CAMSAP3: variants seen among roughly 807,000 people sequenced by gnomAD.
The protein encoded by CAMSAP3 is calmodulin-regulated spectrin-associated protein 3.
CAMSAP3 carries 34 observed loss-of-function variants against 112.5 expected under a neutral mutation model. That is an observed-to-expected ratio of 0.30 (90% CI 0.23 to 0.40). The LOEUF is 0.40. CAMSAP3 is among the 10% of genes least tolerant of loss of function. The pLI is 1.00. For missense variants in CAMSAP3, 1,602 were observed against 1,770.3 expected (o/e 0.90, Z 1.71); for synonymous variants, 868 against 799.8 (o/e 1.09, Z -1.44).
Position 7,596,026 on chromosome 19 carries a change from G to C in CAMSAP3, c.24G>C (p.Gly8=). The change falls in exon 1 of 17, where the codon GGG becomes GGC. Residue 8 remains glycine, a synonymous_variant. Transcript: ENST00000160298. The part of the protein sequence containing the change: MVEAAPP[G]PGPLRRTFLV... ...CCATGGTGGAGGCGGCGCCCCCCGG[G>C]CCCGGGCCGCTGCGGAGGACCTTTC... The C allele has an allele frequency of 8.3e-7, 1 of 1,209,268 alleles. No homozygotes were observed. Among genetic ancestry groups the C allele is most frequent in the Non-Finnish European group, 1.1e-6 (1 of 947,658 alleles). The allele number at this position is 1,209,268 out of a possible 1,614,324, so 74.9% of individuals were successfully genotyped here.
At position 7,612,073 on chromosome 19, in the gene CAMSAP3, C is replaced by G. The variant is rs200164598; in HGVS notation, c.1580C>G (p.Ser527Trp). The G allele has an allele frequency of 4.3e-6, 7 of 1,609,524 alleles. No individual in the cohort carries two copies. Among genetic ancestry groups the G allele is most frequent in the Non-Finnish European group, 5.9e-6 (7 of 1,177,090 alleles). Residue 527 changes from serine (S) to tryptophan (W), a missense_variant, in exon 11 of 17, where the codon TCG becomes TGG. Physicochemically the swap from Ser to Trp is radical, Grantham distance 177. Transcript: ENST00000160298. ...PVYMPHPETPSKPSPCLVGEA... is the reference protein window; with the variant it reads ...PVYMPHPETPWKPSPCLVGEA... ...TACATGCCACACCCCGAGACCCCCT[C>G]GAAACCATCTCCCTGTCTGGTGGGG...
chr19:7,608,576 C>G (rs1018957314), intron 5 of CAMSAP3, among the ~76,000 whole-genome samples: 7 of 151,976 alleles, frequency 4.6e-5, no homozygotes, highest in African/African-American at 2.4e-5. Flanking sequence ...AGACACACTC[C>G]CCACTTCACA....
chr19:7,606,159 C>CCCA, intron 2 of CAMSAP3, 112 bp from the exon 3 acceptor site: 1 of 639,402 alleles, frequency 1.6e-6, no homozygotes, highest in Non-Finnish European at 2.6e-6. Context: ...AAGCCCCACC[C>CCCA]CCCCCGTCAA....
intron 1 of CAMSAP3, among the ~76,000 whole-genome samples, chr19:7,598,180 G>C (rs936340630): frequency 1.3e-5 from 2 of 152,162 alleles, no homozygotes; most frequent in African/African-American, 2.4e-5. Flanking sequence ...AGAAATTCTT[G>C]AAATCTTCCA....
chr19:7,600,613 T>C (rs1599343231), intron 1 of CAMSAP3, among the ~76,000 whole-genome samples: 1 of 39,466 alleles, frequency 2.5e-5, no homozygotes, highest in Non-Finnish European at 4.4e-5. Flanking sequence ...CACCCACTCA[T>C]CCACTCATCC....
Position 7,610,427 on chromosome 19 carries a change from C to G in CAMSAP3, c.761-49C>G, listed in dbSNP as rs756276818. ...GCTGGTCCCTGGCTTCCCTGGGGCC[C>G]CATCCTCCTCCTCATAGAGTTGGGG... On this transcript the variant is annotated intron_variant, in intron 5 of 16. Transcript: ENST00000160298. The surrounding 1 kb of genome is among the most constrained non-coding windows in gnomAD (Gnocchi z 4.9). The G allele has an allele frequency of 1.3e-6, 2 of 1,558,948 alleles. No individual in the cohort carries two copies.
rs1429024255 is a variant in CAMSAP3, at chr19:7,612,968, C to T, written c.2475C>T (p.Ser825=). ...PSQVPVQTRS[S]ILLAEETPPE... The stretch of plus-strand genomic sequence containing the variant: ...AGGTGCCCGTGCAGACGCGCTCTTC[C>T]ATCCTCCTGGCGGAGGAGACGCCCC... The change falls in exon 11 of 17, where the codon TCC becomes TCT. Residue 825 remains serine, a synonymous_variant. Transcript: ENST00000160298. 2 of 1,602,144 alleles carry T rather than the reference C, an allele frequency of 1.2e-6. No individual in the cohort carries two copies. Among genetic ancestry groups the T allele is most frequent in the African/African-American group, 2.7e-5 (2 of 74,260 alleles).
Position 7,611,602 on chromosome 19 carries a change from AG to A in CAMSAP3, c.1193+18del. On this transcript the variant is annotated intron_variant, in intron 10 of 16. Coordinates refer to ENST00000160298, the MANE Select transcript of CAMSAP3 (RefSeq NM_020902.2). The surrounding 1 kb of genome is among the most constrained non-coding windows in gnomAD (Gnocchi z 6.9). ...GGCAGCTCAGGTGAGTAGACCTCAC[AG>A]GCCAGGGTAGGGGGTGGAGCAGGCT... is the stretch of plus-strand genomic sequence containing the variant. 6.2e-7 allele frequency: 1 copy of A among 1,609,974 alleles called. No individual in the cohort carries two copies. The highest frequency in any genetic ancestry group is 8.5e-7 in the Non-Finnish European group (1 of 1,178,514).
intron 2 of CAMSAP3, 121 bp from the exon 3 acceptor site, chr19:7,606,150 A>ACCCCC (rs2030204859): frequency 4.1e-5 from 11 of 265,354 alleles, no homozygotes; most frequent in African/African-American, 1.6e-4. Context: ...CGCCCCCTCA[A>ACCCCC]GCCCCACCCC....
In CAMSAP3 at chr19:7,612,774, C is replaced by A. The variant is rs749893426; in HGVS notation, c.2281C>A (p.Arg761=). Residue 761 remains arginine, a synonymous_variant, in exon 11 of 17, where the codon CGG becomes AGG. Transcript: ENST00000160298. ...GPKAASPSPA[R]RVPATRRSPG... Reference sequence around the variant, plus strand: ...CAAAGCTGCATCCCCCAGCCCCGCCCGGCGAGTCCCGGCCACCCGGCGCAG... The same window carrying A: ...CAAAGCTGCATCCCCCAGCCCCGCCAGGCGAGTCCCGGCCACCCGGCGCAG... 5 of 1,531,428 alleles carry A rather than the reference C, an allele frequency of 3.3e-6. No homozygotes were observed. The highest frequency in any genetic ancestry group is 1.2e-5 in the South Asian group (1 of 83,600). 94.9% of individuals were successfully genotyped at this position (1,531,428 alleles called of 1,614,324 possible). A position where few individuals can be genotyped will look rare whatever the true frequency, so the allele number is the denominator to read the frequency against.
Position 7,596,165 on chromosome 19 carries a change from GGGA to G in CAMSAP3, c.148+16_148+18del. The G allele has an allele frequency of 9.9e-7, 1 of 1,008,808 alleles. No individual in the cohort carries two copies. Among genetic ancestry groups the G allele is most frequent in the Non-Finnish European group, 1.2e-6 (1 of 832,412 alleles). 62.5% of individuals were successfully genotyped at this position (1,008,808 alleles called of 1,614,324 possible). On this transcript the variant is annotated intron_variant, in intron 1 of 16. Transcript: ENST00000160298. ...CGGGGGCGCAGGTACCGGGGCTCGGGGGACCGGGGTCGGGGGCGGCGGGCCGGG... is the reference window on the plus strand; with the variant it reads ...CGGGGGCGCAGGTACCGGGGCTCGGGCCGGGGTCGGGGGCGGCGGGCCGGG...
At position 7,597,262 on chromosome 19, in the gene CAMSAP3, A is replaced by G. The variant is rs192235453; in HGVS notation, c.148+1112A>G. Among the ~76,000 whole-genome samples, 16 of 152,036 alleles carry G rather than the reference A, an allele frequency of 1.1e-4. No individual in the cohort carries two copies. In the East Asian group the frequency reaches 3.1e-3, roughly 29 times the overall value. On this transcript the variant is annotated intron_variant, in intron 1 of 16. Coordinates refer to ENST00000160298, the MANE Select transcript of CAMSAP3 (RefSeq NM_020902.2). The stretch of plus-strand genomic sequence containing the variant: ...GCCCCAGCCTGTCCCTCTTTCTCCC[A>G]GACAGTCTCTGTCTGCGTCGTTCCA...
At chr19:7,602,906 C>T (rs1281068740) in intron 1 of CAMSAP3, among the ~76,000 whole-genome samples, 1 of 144,104 alleles carries the variant, frequency 6.9e-6, no homozygotes, top group East Asian at 2.1e-4. Flanking sequence ...AGGGCAGCAT[C>T]GAGCTCAGGG....
At position 7,606,406 on chromosome 19, in the gene CAMSAP3, G is replaced by C. The variant is rs2030224581; in HGVS notation, c.525+13G>C. The C allele has an allele frequency of 6.2e-7, 1 of 1,613,242 alleles. No individual in the cohort carries two copies. The stretch of plus-strand genomic sequence containing the variant: ...CTGGGTGGACACGGTAGGTGGGGTT[G>C]GGCCTGGGGTGGGTTCGGGGACCAG... On this transcript the variant is annotated intron_variant, in intron 3 of 16. Coordinates refer to ENST00000160298, the MANE Select transcript of CAMSAP3 (RefSeq NM_020902.2).
At chr19:7,596,394 G>A (rs1302208356) in intron 1 of CAMSAP3, among the ~76,000 whole-genome samples, 10 of 151,268 alleles carry the variant, frequency 6.6e-5, no homozygotes, top group Admixed American at 4.6e-4. Flanking sequence ...GCCCAGCTCC[G>A]CGCGGGGGTC....
At chr19:7,602,413 A>G (rs1395279961) in intron 1 of CAMSAP3, among the ~76,000 whole-genome samples, 1 of 152,188 alleles carries the variant, frequency 6.6e-6, no homozygotes, top group Non-Finnish European at 1.5e-5. Flanking sequence ...TTCATCTTAA[A>G]GGCCCTGAAA....
At chr19:7,604,931 C>G (rs1599348429) in intron 1 of CAMSAP3, among the ~76,000 whole-genome samples, 1 of 152,034 alleles carries the variant, frequency 6.6e-6, no homozygotes, top group Non-Finnish European at 1.5e-5. Context: ...TGGGGGTAGC[C>G]TCCCCTCCTT....
At chr19:7,600,834 C>G (rs1416798314) in intron 1 of CAMSAP3, among the ~76,000 whole-genome samples, 2 of 111,110 alleles carry the variant, frequency 1.8e-5, no homozygotes. Flanking sequence ...ATCTGTCCAT[C>G]CACCTACCCA....
chr19:7,613,608 G>A (rs1264198601), intron 11 of CAMSAP3, among the ~76,000 whole-genome samples: 1 of 151,898 alleles, frequency 6.6e-6, no homozygotes, highest in Non-Finnish European at 1.5e-5. Context: ...GGCCGGACAA[G>A]GGGGATAGAT....
Sources: gnomAD v4.1 joint callset for allele counts (sites outside exome capture counted in the v4.1 genomes callset) on GRCh38, gnomAD v4.1.1 for gene constraint, Gnocchi (gnomAD v3.1) non-coding constraint, MANE v1.5 for transcripts, NCBI Gene and HGNC (gene_info 2026-07-23, HGNC 2026-07-21) for gene names.